Variants in CACNA2D3 observed in about 807,000 individuals in gnomAD.
CACNA2D3 encodes the protein voltage-dependent calcium channel subunit alpha-2/delta-3.
Under a neutral mutation model 160.6 loss-of-function variants are expected in CACNA2D3, and 60 were observed. The ratio of observed to expected loss-of-function variants is 0.37; its 90% CI spans 0.30 to 0.46. The LOEUF is 0.46. CACNA2D3 is among the 20% of genes least tolerant of loss of function. The pLI is 1.00. For missense variants in CACNA2D3, 1,205 were observed against 1,365.0 expected (o/e 0.88, Z 1.85); for synonymous variants, 558 against 492.9 (o/e 1.13, Z -1.75).
At chr3:54,958,045 T>G (rs764091044) in intron 27 of CACNA2D3, among the ~76,000 whole-genome samples, 2 of 152,220 alleles carry the variant, frequency 1.3e-5, no homozygotes, top group Non-Finnish European at 2.9e-5. Flanking sequence ...ACCCCGTGTG[T>G]GTTCACAAGT....
chr3:54,194,950 A>G (rs773166683), intron 2 of CACNA2D3, among the ~76,000 whole-genome samples: 15 of 152,196 alleles, frequency 9.9e-5, no homozygotes, highest in Non-Finnish European at 1.5e-4. Flanking sequence ...TCTTCTGTGA[A>G]AGGGCCTCCT....
At chr3:54,662,007 T>C (rs1575411717) in intron 11 of CACNA2D3, among the ~76,000 whole-genome samples, 1 of 152,182 alleles carries the variant, frequency 6.6e-6, no homozygotes, top group East Asian at 1.9e-4. Flanking sequence ...CACCATCTTA[T>C]AGTTAAAATT....
At chr3:54,853,843 G>C (rs991143309) in intron 17 of CACNA2D3, among the ~76,000 whole-genome samples, 1 of 152,146 alleles carries the variant, frequency 6.6e-6, no homozygotes, top group Non-Finnish European at 1.5e-5. Flanking sequence ...TCAGGACCAT[G>C]CATTCTGCCG....
At chr3:54,223,434 T>C (rs1701610760) in intron 2 of CACNA2D3, among the ~76,000 whole-genome samples, 1 of 152,146 alleles carries the variant, frequency 6.6e-6, no homozygotes, top group Admixed American at 6.5e-5. Context: ...TACACCTGTA[T>C]AGGAAAATGA....
intron 31 of CACNA2D3, among the ~76,000 whole-genome samples, chr3:54,993,508 G>T (rs746638626): frequency 6.6e-6 from 1 of 152,334 alleles, no homozygotes; most frequent in Middle Eastern, 3.4e-3. Flanking sequence ...CAGGGAGACC[G>T]AAGGGAAAGT....
At chr3:54,899,730 C>T in intron 26 of CACNA2D3, 58 bp from the exon 27 acceptor site, 1 of 1,248,464 alleles carries the variant, frequency 8.0e-7, no homozygotes, top group Non-Finnish European at 1.2e-6. Flanking sequence ...TGATTACTCT[C>T]TTAACGTGTA....
intron 11 of CACNA2D3, among the ~76,000 whole-genome samples, chr3:54,736,100 C>CAT (rs1205460988): frequency 0.035 from 1,656 of 47,820 alleles, 285 homozygotes; most frequent in Non-Finnish European, 0.047. Context: ...TATATATATA[C>CAT]ATATATATGT....
chr3:54,574,838 G>A (rs544996746), intron 8 of CACNA2D3, among the ~76,000 whole-genome samples: 1 of 152,348 alleles, frequency 6.6e-6, no homozygotes, highest in Non-Finnish European at 1.5e-5. Flanking sequence ...AATGCCTCCT[G>A]CAGCCCATAT....
At chr3:54,828,156 G>A (rs1703784821) in intron 14 of CACNA2D3, among the ~76,000 whole-genome samples, 1 of 152,206 alleles carries the variant, frequency 6.6e-6, no homozygotes, top group Admixed American at 6.5e-5. Flanking sequence ...TTTTGTCCCA[G>A]GGCCCCAAAG....
intron 4 of CACNA2D3, among the ~76,000 whole-genome samples, chr3:54,445,443 C>G (rs1700206101): frequency 6.6e-6 from 1 of 152,098 alleles, no homozygotes; most frequent in Admixed American, 6.6e-5. Context: ...TGTATTAATT[C>G]ATAGATAAAA....
chr3:55,031,237 T>TA (rs1445502860), intron 35 of CACNA2D3, among the ~76,000 whole-genome samples: 1 of 152,218 alleles, frequency 6.6e-6, no homozygotes, highest in Non-Finnish European at 1.5e-5. Flanking sequence ...TGACTCCCTC[T>TA]ATCCCTACCT....
intron 11 of CACNA2D3, among the ~76,000 whole-genome samples, chr3:54,668,549 C>G (rs914607506): frequency 3.9e-5 from 6 of 152,220 alleles, no homozygotes; most frequent in Admixed American, 3.9e-4. Flanking sequence ...GAAATGCACT[C>G]TAGGCTCACT....
intron 2 of CACNA2D3, among the ~76,000 whole-genome samples, chr3:54,309,822 C>T (rs989489046): frequency 8.5e-5 from 13 of 152,136 alleles, no homozygotes; most frequent in Admixed American, 3.9e-4. Context: ...CCTAAGGAGG[C>T]GCTGCTTACA....
At chr3:55,033,712 T>C (rs921902529) in intron 35 of CACNA2D3, among the ~76,000 whole-genome samples, 2 of 129,596 alleles carry the variant, frequency 1.5e-5, no homozygotes, top group Non-Finnish European at 3.2e-5. Flanking sequence ...ATATATAATA[T>C]ATATTATATA....
intron 27 of CACNA2D3, among the ~76,000 whole-genome samples, chr3:54,928,669 C>CTGCTTGCTTGCT (rs750974664): frequency 2.0e-5 from 3 of 152,220 alleles, no homozygotes; most frequent in Non-Finnish European, 2.9e-5. Context: ...AACTTCTCAG[C>CTGCTTGCTTGCT]TGCTTGCTTG....
At chr3:54,584,933 AG>A (rs1471015949) in intron 9 of CACNA2D3, among the ~76,000 whole-genome samples, 1 of 152,194 alleles carries the variant, frequency 6.6e-6, no homozygotes, top group African/African-American at 2.4e-5. Flanking sequence ...AATATCCATC[AG>A]GAATGAAGGA....
chr3:54,878,828 A>G, intron 18 of CACNA2D3, 190 bp from the exon 19 acceptor site: 1 of 430,614 alleles, frequency 2.3e-6, no homozygotes, highest in South Asian at 6.6e-5. Context: ...TTAAAGATGA[A>G]GGTCATTTAT....
At chr3:54,919,102 A>G (rs565291830) in intron 27 of CACNA2D3, among the ~76,000 whole-genome samples, 35 of 152,256 alleles carry the variant, frequency 2.3e-4, no homozygotes, top group African/African-American at 7.2e-4. Flanking sequence ...TAAATTGGCA[A>G]TTACTTATGA....
At chr3:54,381,362 G>C (rs1699099635) in intron 3 of CACNA2D3, among the ~76,000 whole-genome samples, 1 of 151,908 alleles carries the variant, frequency 6.6e-6, no homozygotes, top group South Asian at 2.1e-4. Context: ...ATAAAATCAG[G>C]AGTCCAGCAA....
Sources: gnomAD v4.1 joint callset for allele counts (sites outside exome capture counted in the v4.1 genomes callset) on GRCh38, gnomAD v4.1.1 for gene constraint, MANE v1.5 for transcripts, NCBI Gene and HGNC (gene_info 2026-07-23, HGNC 2026-07-21) for gene names.